ZNF469: variants seen among roughly 807,000 people sequenced by gnomAD.
The protein encoded by ZNF469 is zinc finger protein 469.
A neutral mutation model predicts 1.0 loss-of-function variants in ZNF469; 1 was observed. The observed-to-expected ratio is 1.00, with a 90% CI of 0.35 to 4.73. The LOEUF (loss-of-function observed/expected upper bound fraction) is 4.73, where lower values mean the gene tolerates loss of function less well. Among genes scored for constraint, ZNF469 ranks in the 30% most tolerant of loss-of-function variants. The probability of loss-of-function intolerance (pLI) is 0.16; values close to 1 mark genes in which losing one functional copy is unlikely to be tolerated. For missense variants in ZNF469, 6,100 were observed against 5,356.3 expected (o/e 1.14, Z -4.33); for synonymous variants, 2,703 against 2,363.4 (o/e 1.14, Z -4.17).
At chr16:88,363,097 TTTTA>T in the ZNF469 span, among the ~76,000 whole-genome samples, 1 of 152,234 alleles carries the variant, frequency 6.6e-6, no homozygotes, top group Non-Finnish European at 1.5e-5. Flanking sequence ...TTTCTGTCTT[TTTTA>T]TTTGTGACAA....
At chr16:88,351,699 A>C in the ZNF469 span, among the ~76,000 whole-genome samples, 24 of 146,938 alleles carry the variant, frequency 1.6e-4, no homozygotes, top group South Asian at 4.5e-4. Flanking sequence ...CCCCACCCCC[A>C]CCGCCGGCAG....
At chr16:88,115,556 C>T in the ZNF469 span, among the ~76,000 whole-genome samples, 7 of 151,734 alleles carry the variant, frequency 4.6e-5, no homozygotes, top group Admixed American at 6.6e-5. Context: ...CCGTCCAGGA[C>T]GGTGGTGTGG....
At chr16:88,344,128 A>T in the ZNF469 span, among the ~76,000 whole-genome samples, 5 of 152,154 alleles carry the variant, frequency 3.3e-5, no homozygotes, top group Non-Finnish European at 7.3e-5. Flanking sequence ...AGCGGTCCTC[A>T]CAACGGTCAA....
chr16:88,365,086 G>T, the ZNF469 span, among the ~76,000 whole-genome samples: 1 of 152,128 alleles, frequency 6.6e-6, no homozygotes, highest in Non-Finnish European at 1.5e-5. Context: ...TTGATTTTCC[G>T]ATTGCATGTG....
the ZNF469 span, among the ~76,000 whole-genome samples, chr16:88,215,635 C>G: frequency 3.1e-3 from 473 of 152,100 alleles, 2 homozygotes; most frequent in African/African-American, 0.01. Context: ...GATGATCTGC[C>G]CACCTCGGCC....
At chr16:88,342,521 C>T in the ZNF469 span, among the ~76,000 whole-genome samples, 1 of 152,180 alleles carries the variant, frequency 6.6e-6, no homozygotes, top group African/African-American at 2.4e-5. Context: ...TGGGGGCCCA[C>T]TGCCCTGCAC....
the ZNF469 span, among the ~76,000 whole-genome samples, chr16:88,129,509 C>T: frequency 6.6e-6 from 1 of 152,114 alleles, no homozygotes; most frequent in African/African-American, 2.4e-5. Flanking sequence ...GGGGTCCTAC[C>T]CTCTTTCAAC....
chr16:88,287,115 T>C, the ZNF469 span, among the ~76,000 whole-genome samples: 41 of 152,380 alleles, frequency 2.7e-4, no homozygotes, highest in East Asian at 7.1e-3. Context: ...CCAGGCCATA[T>C]GCTGTTCTGT....
chr16:88,253,949 C>T, the ZNF469 span, among the ~76,000 whole-genome samples: 3 of 146,378 alleles, frequency 2.0e-5, no homozygotes, highest in African/African-American at 7.5e-5. Flanking sequence ...AATATTTTCT[C>T]CTAGTCTGTA....
At chr16:88,196,515 C>T in the ZNF469 span, among the ~76,000 whole-genome samples, 30 of 152,214 alleles carry the variant, frequency 2.0e-4, 1 homozygote, top group Admixed American at 1.4e-3. Context: ...CAGGAGTGGC[C>T]GACAGCCCCA....
chr16:88,435,446 G>T lies in ZNF469; in HGVS notation c.7976G>T (p.Gly2659Val), dbSNP rs535466615. The part of the protein sequence containing the change: ...LPVSADVISD[G>V]RGSRPSPAMA... ...GTCTCTGCTGATGTGATTTCAGATG[G>T]GCGCGGCTCCAGACCATCCCCTGCA... Residue 2659 changes from glycine to valine, a missense_variant, in exon 3 of 3, where the codon GGG (glycine) becomes GTG (valine). Physicochemically the swap from Gly to Val is moderately radical, Grantham distance 109. Coordinates refer to ENST00000565624, the MANE Select transcript of ZNF469 (RefSeq NM_001367624.2). 6 of 1,549,882 alleles carry T rather than the reference G, an allele frequency of 3.9e-6. No homozygotes were observed. Among genetic ancestry groups the T allele is most frequent in the Non-Finnish European group, 5.2e-6 (6 of 1,146,998 alleles).
the ZNF469 span, among the ~76,000 whole-genome samples, chr16:88,290,557 C>T: frequency 6.6e-6 from 1 of 152,292 alleles, no homozygotes; most frequent in East Asian, 1.9e-4. Flanking sequence ...AGGCTCTATT[C>T]CTTTATATAC....
chr16:88,356,218 A>G, the ZNF469 span, among the ~76,000 whole-genome samples: 110 of 152,154 alleles, frequency 7.2e-4, no homozygotes, highest in African/African-American at 2.4e-3. Context: ...AGAGAGTTCA[A>G]TGTGGGAGCC....
the ZNF469 span, among the ~76,000 whole-genome samples, chr16:88,334,664 G>A: frequency 1.3e-5 from 2 of 152,170 alleles, no homozygotes; most frequent in Non-Finnish European, 2.9e-5. Flanking sequence ...TAAGGGTGTC[G>A]GCAGATATGA....
At chr16:88,102,635 G>A in the ZNF469 span, among the ~76,000 whole-genome samples, 4 of 152,078 alleles carry the variant, frequency 2.6e-5, no homozygotes, top group Admixed American at 6.5e-5. Flanking sequence ...TCCTCACAGC[G>A]GTCCAGGGGC....
chr16:88,318,296 G>C, the ZNF469 span, among the ~76,000 whole-genome samples: 3 of 152,152 alleles, frequency 2.0e-5, no homozygotes, highest in South Asian at 2.1e-4. Flanking sequence ...TGTTACATTC[G>C]GCAGGGGCTG....
chr16:88,219,735 T>C, the ZNF469 span, among the ~76,000 whole-genome samples: 2 of 152,174 alleles, frequency 1.3e-5, no homozygotes, highest in Non-Finnish European at 2.9e-5. Flanking sequence ...CCTGGGGCCT[T>C]CCATATATCC....
the ZNF469 span, among the ~76,000 whole-genome samples, chr16:88,117,898 G>A: frequency 2.0e-5 from 3 of 152,260 alleles, no homozygotes; most frequent in South Asian, 6.2e-4. Context: ...GCGCCCGTCA[G>A]CAGAGCAGGA....
Position 88,435,241 on chromosome 16 carries a change from AAGCCC to A in ZNF469, c.7774_7778del (p.Pro2592ThrfsTer8). The A allele has an allele frequency of 6.4e-7, 1 of 1,550,418 alleles. No individual in the cohort carries two copies. The highest frequency in any genetic ancestry group is 8.7e-7 in the Non-Finnish European group (1 of 1,146,988). On this transcript the variant is annotated frameshift_variant, in exon 3 of 3. Coordinates refer to ENST00000565624, the MANE Select transcript of ZNF469 (RefSeq NM_001367624.2). LOFTEE classifies it low-confidence loss of function (END_TRUNC). ...GGTAGATGTGAAGACTCCGGCCTCC[AAGCCC>A]AGACCAGACCAGGCCAGGGAAGATG...
Sources: gnomAD v4.1 joint callset for allele counts (sites outside exome capture counted in the v4.1 genomes callset) on GRCh38, gnomAD v4.1.1 for gene constraint, MANE v1.5 for transcripts, NCBI Gene and HGNC (gene_info 2026-07-23, HGNC 2026-07-21) for gene names.